SYTL2: variants seen among roughly 807,000 people sequenced by gnomAD.
SYTL2 encodes synaptotagmin like 2.
SYTL2 carries 165 observed loss-of-function variants against 198.7 expected under a neutral mutation model. The observed-to-expected ratio is 0.83, with a 90% confidence interval of 0.73 to 0.94. The LOEUF is 0.94. Among genes scored for constraint, SYTL2 ranks in the 40% least tolerant of loss-of-function variants. SYTL2 has a pLI of 0.00. For synonymous variants in SYTL2, 966 were observed against 917.7 expected, an observed-to-expected ratio of 1.05 and a Z score of -0.95; for missense variants, 2,835 against 2,582.8, an observed-to-expected ratio of 1.10 and a Z score of -2.12.
intron 18 of SYTL2, 51 bp downstream of exon 18, chr11:85,697,928 G>A (rs1299243853): frequency 8.1e-6 from 10 of 1,239,764 alleles, no homozygotes; most frequent in Admixed American, 5.4e-5. Context: ...AAACTAACCA[G>A]CAAAGACCAG....
the SYTL2 span, among the ~76,000 whole-genome samples, chr11:85,843,885 C>T: frequency 3.9e-5 from 6 of 152,144 alleles, no homozygotes; most frequent in Non-Finnish European, 8.8e-5. Flanking sequence ...GGTCACACAA[C>T]TAGTAAGCAG....
At chr11:85,791,618 T>C (rs888620670) in intron 1 of SYTL2, among the ~76,000 whole-genome samples, 1 of 150,760 alleles carries the variant, frequency 6.6e-6, no homozygotes, top group Admixed American at 6.6e-5. Context: ...CTGTTCCCTT[T>C]TGTACTACTA....
chr11:85,833,087 GAAAGAAA>G, the SYTL2 span, among the ~76,000 whole-genome samples: 235 of 49,584 alleles, frequency 4.7e-3, 17 homozygotes, highest in Non-Finnish European at 8.4e-3. Flanking sequence ...AAGAAAGAAA[GAAAGAAA>G]GAAAGAAGGA....
At chr11:85,824,636 T>C in the SYTL2 span, among the ~76,000 whole-genome samples, 1 of 152,202 alleles carries the variant, frequency 6.6e-6, no homozygotes, top group Admixed American at 6.5e-5. Context: ...TAAAATAAAA[T>C]AGTTGAGGCC....
Position 85,703,762 on chromosome 11 carries a change from T to C in SYTL2, c.6189+1096A>G, listed in dbSNP as rs181862790. 3.9e-5 allele frequency among the ~76,000 whole-genome samples: 6 copies of C among 152,260 alleles called. No individual in the cohort carries two copies. In the East Asian group the frequency reaches 1.2e-3, roughly 29 times the overall value. On this transcript the variant is annotated intron_variant, in intron 16 of 19. Coordinates refer to ENST00000359152, the MANE Select transcript of SYTL2 (RefSeq NM_206927.4). ...ATGTCTTATGGGACTTAAAAATATA[T>C]ACAATTAAAACATGACCAAAAATAG... is the stretch of plus-strand genomic sequence containing the variant.
At chr11:85,843,436 T>G in the SYTL2 span, among the ~76,000 whole-genome samples, 1 of 151,874 alleles carries the variant, frequency 6.6e-6, no homozygotes, top group Non-Finnish European at 1.5e-5. Context: ...AAAAGCTAAG[T>G]GGAGGCTGGT....
chr11:85,850,053 T>A, the SYTL2 span, among the ~76,000 whole-genome samples: 572 of 146,912 alleles, frequency 3.9e-3, 5 homozygotes, highest in African/African-American at 0.014. Flanking sequence ...GAAGCAATTG[T>A]GAATGGGAGT....
chr11:85,785,430 T>G (rs540741671), intron 1 of SYTL2, among the ~76,000 whole-genome samples: 1 of 152,288 alleles, frequency 6.6e-6, no homozygotes, highest in East Asian at 1.9e-4. Flanking sequence ...ATTCAGAAAG[T>G]GTTTACTATC....
chr11:85,712,630 T>C (rs74721675), intron 12 of SYTL2, among the ~76,000 whole-genome samples: 3,125 of 152,024 alleles, frequency 0.021, 62 homozygotes, highest in Admixed American at 0.036. Context: ...GACAGCAGGT[T>C]AAAACTGAAG....
At chr11:85,711,364 T>C (rs1199653949) in intron 12 of SYTL2, 132 bp from the exon 13 acceptor site, 3 of 936,078 alleles carry the variant, frequency 3.2e-6, no homozygotes, top group South Asian at 1.7e-5. Flanking sequence ...CTAGTGCTAA[T>C]TGCCAGGGTA....
chr11:85,706,584 CAGA>C (rs1253823096), intron 15 of SYTL2, among the ~76,000 whole-genome samples: 3 of 152,076 alleles, frequency 2.0e-5, no homozygotes, highest in African/African-American at 7.2e-5. Flanking sequence ...CAGAAATTCA[CAGA>C]ATTGTGAGAA....
chr11:85,717,865 T>C (rs545856972), intron 10 of SYTL2: 39 of 339,286 alleles, frequency 1.1e-4, no homozygotes, highest in African/African-American at 7.1e-4. Flanking sequence ...TGACTAACTA[T>C]AGGATCTTAG....
rs759880245 is a variant in SYTL2 at position 85,724,276 on chromosome 11, T to TC, written c.5081dup (p.Gln1695ThrfsTer14). On this transcript the variant is annotated frameshift_variant, in exon 8 of 20. Transcript: ENST00000359152. LOFTEE classifies it high-confidence loss of function. ...AGCCAGGTTCCTGAAGAGTCCCTTGTCCCCCTGCAACCCCACTTTCACTGT... is the reference window on the plus strand; with the variant it reads ...AGCCAGGTTCCTGAAGAGTCCCTTGTCCCCCCTGCAACCCCACTTTCACTGT... The TC allele has an allele frequency of 6.4e-7, 1 of 1,564,108 alleles. No homozygotes were observed. Among genetic ancestry groups the TC allele is most frequent in the African/African-American group, 1.4e-5 (1 of 72,642 alleles).
At chr11:85,829,596 GTTCTGTT>G in the SYTL2 span, among the ~76,000 whole-genome samples, 1 of 152,182 alleles carries the variant, frequency 6.6e-6, no homozygotes, top group African/African-American at 2.4e-5. Flanking sequence ...TCAAATGGTA[GTTCTGTT>G]TTAAGTTCTT....
the SYTL2 span, among the ~76,000 whole-genome samples, chr11:85,824,034 C>T: frequency 6.6e-6 from 1 of 152,216 alleles, no homozygotes; most frequent in Admixed American, 6.5e-5. Flanking sequence ...CAGGCCACCA[C>T]ACTGCCACCC....
the SYTL2 span, among the ~76,000 whole-genome samples, chr11:85,822,326 C>T: frequency 3.3e-5 from 5 of 152,238 alleles, no homozygotes; most frequent in South Asian, 2.1e-4. Context: ...CAGCAAGGTA[C>T]AGCCTTGCCC....
intron 12 of SYTL2, 57 bp downstream of exon 12, chr11:85,714,356 C>T (rs2086811832): frequency 1.5e-6 from 2 of 1,378,348 alleles, no homozygotes; most frequent in Non-Finnish European, 2.1e-6. Context: ...CCAACCTTGG[C>T]ATAGCAATTC....
chr11:85,840,802 C>T, the SYTL2 span, among the ~76,000 whole-genome samples: 691 of 152,156 alleles, frequency 4.5e-3, 3 homozygotes, highest in Middle Eastern at 0.024. Flanking sequence ...TGGACATAGG[C>T]ACAGGCAATG....
rs369778443 is a variant in SYTL2 at position 85,733,971 on chromosome 11, C to G, written c.1358G>C (p.Arg453Thr). Residue 453 changes from arginine (R) to threonine (T), a missense_variant, in exon 7 of 20, where the codon AGG becomes ACG. Physicochemically the swap from Arg to Thr is moderately conservative, Grantham distance 71 (BLOSUM62 -1). Transcript: ENST00000359152. ...EPKDKSSELT[R>T]LESVLPRSPA... ...GCTTCTGGGTAATACAGATTCAAGCCTTGTTAATTCTGATGATTTATCTTT... is the reference window on the plus strand; with the variant it reads ...GCTTCTGGGTAATACAGATTCAAGCGTTGTTAATTCTGATGATTTATCTTT... The G allele has an allele frequency of 6.2e-7, 1 of 1,614,100 alleles. No individual in the cohort carries two copies. Among genetic ancestry groups the G allele is most frequent in the Non-Finnish European group, 8.5e-7 (1 of 1,179,952 alleles).
Sources: gnomAD v4.1 joint callset for allele counts (sites outside exome capture counted in the v4.1 genomes callset) on GRCh38, gnomAD v4.1.1 for gene constraint, MANE v1.5 for transcripts, NCBI Gene and HGNC (gene_info 2026-07-23, HGNC 2026-07-21) for gene names.